Variants in MACROD2 observed in about 807,000 individuals in gnomAD.
MACROD2 encodes the protein mono-ADP ribosylhydrolase 2, also known as ADP-ribose glycohydrolase MACROD2.
In MACROD2, 36 loss-of-function variants were observed where a neutral mutation model predicts 70.4. That is an observed-to-expected ratio of 0.51 (90% CI 0.39 to 0.68). The LOEUF is 0.68. Ranked by LOEUF, MACROD2 falls within the 30% of genes least tolerant of loss-of-function variation. MACROD2 has a pLI of 0.00. For missense variants in MACROD2, 496 were observed against 538.4 expected, an observed-to-expected ratio of 0.92 and a Z score of 0.78; for synonymous variants, 172 against 178.8, an observed-to-expected ratio of 0.96 and a Z score of 0.30.
intron 6 of MACROD2, among the ~76,000 whole-genome samples, chr20:15,269,237 T>G (rs745437210): frequency 6.6e-6 from 1 of 152,244 alleles, no homozygotes; most frequent in Non-Finnish European, 1.5e-5. Flanking sequence ...CCCTTCCTCA[T>G]GCAGATGATA....
intron 7 of MACROD2, among the ~76,000 whole-genome samples, chr20:15,498,059 C>G (rs1280670764): frequency 6.6e-6 from 1 of 152,204 alleles, no homozygotes; most frequent in Non-Finnish European, 1.5e-5. Flanking sequence ...AACAAATGCA[C>G]AATCCCAAAT....
At chr20:15,174,113 G>A (rs1170546919) in intron 5 of MACROD2, among the ~76,000 whole-genome samples, 1 of 152,112 alleles carries the variant, frequency 6.6e-6, no homozygotes, top group Admixed American at 6.5e-5. Flanking sequence ...AATGCTTATT[G>A]TGCATTTAAA....
At chr20:14,694,000 A>G (rs1475104326) in intron 5 of MACROD2, among the ~76,000 whole-genome samples, 2 of 152,170 alleles carry the variant, frequency 1.3e-5, no homozygotes, top group Non-Finnish European at 2.9e-5. Flanking sequence ...TCTAGAGTGT[A>G]GACGACTATA....
At chr20:15,168,586 T>G (rs1023925023) in intron 5 of MACROD2, among the ~76,000 whole-genome samples, 30 of 152,038 alleles carry the variant, frequency 2.0e-4, no homozygotes, top group African/African-American at 6.8e-4. Flanking sequence ...CATGGCAGCA[T>G]TATTCACAAA....
chr20:15,389,256 G>A (rs1334047937), intron 6 of MACROD2, among the ~76,000 whole-genome samples: 1 of 152,168 alleles, frequency 6.6e-6, no homozygotes. Flanking sequence ...AAGTATAGCT[G>A]TTACTGAAGA....
At chr20:15,515,392 A>G (rs1456887798) in intron 8 of MACROD2, among the ~76,000 whole-genome samples, 1 of 152,222 alleles carries the variant, frequency 6.6e-6, no homozygotes, top group Non-Finnish European at 1.5e-5. Context: ...TTGCAAACAC[A>G]TGGCTCTTGA....
At chr20:15,154,819 C>T (rs772790106) in intron 5 of MACROD2, among the ~76,000 whole-genome samples, 1 of 152,188 alleles carries the variant, frequency 6.6e-6, no homozygotes, top group Non-Finnish European at 1.5e-5. Flanking sequence ...GGAACACAAA[C>T]ATTCAGTCCA....
chr20:14,526,819 C>T (rs555952946), intron 4 of MACROD2, among the ~76,000 whole-genome samples: 124 of 152,040 alleles, frequency 8.2e-4, no homozygotes, highest in South Asian at 1.5e-3. Flanking sequence ...CGCTGAGGGC[C>T]CCAGTGGGCT....
intron 3 of MACROD2, among the ~76,000 whole-genome samples, chr20:14,211,316 A>G (rs532046312): frequency 6.6e-6 from 1 of 152,280 alleles, no homozygotes; most frequent in African/African-American, 2.4e-5. Flanking sequence ...TAATAACTAT[A>G]TTCAAAGCCT....
intron 5 of MACROD2, chr20:14,758,192 C>A: frequency 3.7e-6 from 1 of 273,894 alleles, no homozygotes; most frequent in South Asian, 4.5e-5. Context: ...TTTCTAGTGT[C>A]TCCTTTGCTG....
Position 14,583,558 on chromosome 20 carries a change from A to C in MACROD2, c.301+90050A>C, listed in dbSNP as rs1204716262. On this transcript the variant is annotated intron_variant, in intron 4 of 17. Coordinates refer to ENST00000684519, the MANE Select transcript of MACROD2 (RefSeq NM_001351661.2). ...TCTCCCAAATAAACAACTGATGTCC[A>C]GGTTCTTGCCTCAGGCTCTGATTTC... Among the ~76,000 whole-genome samples, 5 of 152,212 alleles carry C rather than the reference A, an allele frequency of 3.3e-5. No homozygotes were observed. The East Asian group carries it at 7.7e-4, about 23-fold the overall frequency.
chr20:16,022,635 C>T (rs2067019647), intron 15 of MACROD2, among the ~76,000 whole-genome samples: 1 of 152,146 alleles, frequency 6.6e-6, no homozygotes, highest in East Asian at 1.9e-4. Flanking sequence ...CTGAGTATAT[C>T]CAATGCAGAT....
At chr20:14,304,839 A>C (rs75008271) in intron 3 of MACROD2, among the ~76,000 whole-genome samples, 196 of 151,890 alleles carry the variant, frequency 1.3e-3, no homozygotes, top group African/African-American at 4.5e-3. Flanking sequence ...ATGATTTAAA[A>C]TTTTGATTTA....
chr20:15,290,330 C>A lies in MACROD2; in HGVS notation c.540+60269C>A, dbSNP rs7262300. Among the ~76,000 whole-genome samples, 976 of 152,204 alleles carry A rather than the reference C, an allele frequency of 6.4e-3. 15 individuals carry two copies. Among genetic ancestry groups the A allele is most frequent in the African/African-American group, 0.022 (913 of 41,522 alleles). ...ATTTATCTCAAAATGCCAGTCTTTACCAGCCTCACTTTCTATATTCTGGCT... is the reference window on the plus strand; with the variant it reads ...ATTTATCTCAAAATGCCAGTCTTTAACAGCCTCACTTTCTATATTCTGGCT... On this transcript the variant is annotated intron_variant, in intron 6 of 17. Coordinates refer to ENST00000684519, the MANE Select transcript of MACROD2 (RefSeq NM_001351661.2).
intron 13 of MACROD2, among the ~76,000 whole-genome samples, chr20:15,976,765 A>G (rs2066312584): frequency 6.6e-6 from 1 of 152,242 alleles, no homozygotes; most frequent in African/African-American, 2.4e-5. Flanking sequence ...TTCTATTTCA[A>G]GAAAAGATTG....
chr20:15,146,216 T>G (rs391454), intron 5 of MACROD2, among the ~76,000 whole-genome samples: 88,920 of 151,284 alleles, frequency 0.59, 26,204 homozygotes, highest in East Asian at 0.65. Context: ...ATTTTGATTT[T>G]TCCTATTTTC....
At chr20:15,042,074 C>T (rs1393354642) in intron 5 of MACROD2, among the ~76,000 whole-genome samples, 1 of 152,068 alleles carries the variant, frequency 6.6e-6, no homozygotes, top group Non-Finnish European at 1.5e-5. Flanking sequence ...AAGAAATAAA[C>T]ACATGATTCC....
intron 5 of MACROD2, among the ~76,000 whole-genome samples, chr20:14,920,310 G>A (rs1858415911): frequency 6.6e-6 from 1 of 152,084 alleles, no homozygotes; most frequent in Non-Finnish European, 1.5e-5. Flanking sequence ...GCTCAACAAG[G>A]TAATAGTTGG....
At chr20:14,397,240 G>A (rs1320960690) in intron 3 of MACROD2, among the ~76,000 whole-genome samples, 3 of 151,980 alleles carry the variant, frequency 2.0e-5, no homozygotes, top group Non-Finnish European at 4.4e-5. Flanking sequence ...TGATCTGCCT[G>A]CCTTGGCCTC....
Sources: gnomAD v4.1 joint callset for allele counts (sites outside exome capture counted in the v4.1 genomes callset) on GRCh38, gnomAD v4.1.1 for gene constraint, MANE v1.5 for transcripts, NCBI Gene and HGNC (gene_info 2026-07-23, HGNC 2026-07-21) for gene names.